ZNF343: variants seen among roughly 807,000 people sequenced by gnomAD.
ZNF343 encodes zinc finger protein 343.
A neutral mutation model predicts 13.8 loss-of-function variants in ZNF343; 11 were observed. The ratio of observed to expected loss-of-function variants is 0.80; its 90% CI spans 0.50 to 1.32. The LOEUF (loss-of-function observed/expected upper bound fraction) is 1.32, where lower values mean the gene tolerates loss of function less well. Among genes scored for constraint, ZNF343 ranks in the 40% most tolerant of loss-of-function variants. The pLI is 0.00. For synonymous variants in ZNF343, 248 were observed against 260.0 expected (o/e 0.95, Z 0.44); for missense variants, 658 against 714.2 (o/e 0.92, Z 0.90).
rs553830632 is a variant in ZNF343, at chr20:2,497,915, G to A, written c.-150+2741C>T. On this transcript the variant is annotated intron_variant, in intron 2 of 5. Transcript: ENST00000278772. ...TGGCTCCTCCATATGGCTCCTCCAC[G>A]GCCAGGAAGCAGGGCTGCTCAAATG... Among the ~76,000 whole-genome samples the A allele has an allele frequency of 7.8e-3, 1,128 of 145,502 alleles. 7 individuals are homozygous for A. Among genetic ancestry groups the A allele is most frequent in the Non-Finnish European group, 0.012 (801 of 66,140 alleles).
At chr20:2,516,390 T>A (rs1195521440) in intron 1 of ZNF343, among the ~76,000 whole-genome samples, 2 of 151,502 alleles carry the variant, frequency 1.3e-5, no homozygotes, top group Non-Finnish European at 2.9e-5. Context: ...AGGGTCAGAG[T>A]CACTGTTAAT....
rs1197180342 is a variant in ZNF343 at position 2,482,812 on chromosome 20, CTCCCCAGACAAGGGTGCTT to C, written c.*330_*348del. 1.5e-5 allele frequency: 4 copies of C among 258,702 alleles called. No individual in the cohort carries two copies. The highest frequency in any genetic ancestry group is 3.0e-5 in the Non-Finnish European group (4 of 135,148). The allele number at this position is 258,702 out of a possible 1,614,324, so 16.0% of individuals were successfully genotyped here. A position where few individuals can be genotyped will look rare whatever the true frequency, so the allele number is the denominator to read the frequency against. On this transcript the variant is annotated 3_prime_UTR_variant, in exon 6 of 6. Coordinates refer to ENST00000278772, the MANE Select transcript of ZNF343 (RefSeq NM_024325.6). Reference sequence around the variant, plus strand: ...ATTCTTTTACTGATGCTCCCCAACACTCCCCAGACAAGGGTGCTTTCCCCTGAGGCTGTCATTGGATGTC... The same window carrying C: ...ATTCTTTTACTGATGCTCCCCAACACTCCCCTGAGGCTGTCATTGGATGTC...
chr20:2,498,475 G>C (rs1289966580), intron 2 of ZNF343, among the ~76,000 whole-genome samples: 3 of 152,204 alleles, frequency 2.0e-5, no homozygotes, highest in African/African-American at 7.2e-5. Flanking sequence ...GAGTTCAATT[G>C]CCAAGTAGAA....
chr20:2,492,639 A>G, intron 5 of ZNF343, 60 bp downstream of exon 5: 1 of 1,580,634 alleles, frequency 6.3e-7, no homozygotes, highest in Non-Finnish European at 8.6e-7. Flanking sequence ...TGTGGTACAT[A>G]TTAGGTGATC....
chr20:2,486,454 A>G (rs1170294466), intron 5 of ZNF343, among the ~76,000 whole-genome samples: 4 of 152,226 alleles, frequency 2.6e-5, no homozygotes, highest in Non-Finnish European at 4.4e-5. Flanking sequence ...CATCATCAAT[A>G]TATTTACTCA....
Position 2,501,119 on chromosome 20 carries a change from G to T in ZNF343, c.-236-377C>A, listed in dbSNP as rs142930123. ...TGGGTCACTCCCACCCTAATACTGC[G>T]CTTTTCCAATGGTCTTAGCAAACGG... On this transcript the variant is annotated intron_variant, in intron 1 of 5. Coordinates refer to ENST00000278772, the MANE Select transcript of ZNF343 (RefSeq NM_024325.6). 8.3e-3 allele frequency among the ~76,000 whole-genome samples: 1,262 copies of T among 152,254 alleles called. 6 individuals are homozygous for T. The highest frequency in any genetic ancestry group is 0.015 in the African/African-American group (609 of 41,558).
chr20:2,489,550 T>C (rs2085333565), intron 5 of ZNF343, among the ~76,000 whole-genome samples: 1 of 152,204 alleles, frequency 6.6e-6, no homozygotes, highest in African/African-American at 2.4e-5. Flanking sequence ...TGTGGTCCCA[T>C]CATTGCTCTT....
At chr20:2,523,979 CAAAAAAA>C (rs56321237) in intron 1 of ZNF343, among the ~76,000 whole-genome samples, 1 of 104,324 alleles carries the variant, frequency 9.6e-6, no homozygotes, top group Non-Finnish European at 1.8e-5. Flanking sequence ...GACCCCGTCT[CAAAAAAA>C]AAAAAAAAAA....
chr20:2,495,864 T>C (rs2122634365), intron 2 of ZNF343, among the ~76,000 whole-genome samples: 1 of 152,120 alleles, frequency 6.6e-6, no homozygotes, highest in East Asian at 1.9e-4. Flanking sequence ...GAATTTTTAG[T>C]AGAGATGGGG....
At position 2,482,931 on chromosome 20, in the gene ZNF343, G is replaced by A. The variant is rs367671721; in HGVS notation, c.*230C>T. 8 of 550,010 alleles carry A rather than the reference G, an allele frequency of 1.5e-5. No homozygotes were observed. The highest frequency in any genetic ancestry group is 2.7e-5 in the South Asian group (1 of 37,122). The allele number at this position is 550,010 out of a possible 1,614,324, so 34.1% of individuals were successfully genotyped here. A position where few individuals can be genotyped will look rare whatever the true frequency, so the allele number is the denominator to read the frequency against. ...ACTTCTCTCCTAAGTGTGTCCTTTT[G>A]TGCATGCTCAAGGCTGACTGATGGC... On this transcript the variant is annotated 3_prime_UTR_variant, in exon 6 of 6. Coordinates refer to ENST00000278772, the MANE Select transcript of ZNF343 (RefSeq NM_024325.6).
intron 1 of ZNF343, among the ~76,000 whole-genome samples, chr20:2,515,558 A>G (rs139924678): frequency 6.6e-6 from 1 of 152,336 alleles, no homozygotes; most frequent in Non-Finnish European, 1.5e-5. Flanking sequence ...TAAATAGATA[A>G]CTAGTGATAA....
chr20:2,483,346 G>A lies in ZNF343; in HGVS notation c.1615C>T (p.His539Tyr). 1.2e-6 allele frequency: 2 copies of A among 1,612,092 alleles called. No individual in the cohort carries two copies. The highest frequency in any genetic ancestry group is 1.7e-6 in the Non-Finnish European group (2 of 1,179,602). Reference sequence around the variant, plus strand: ...TTCTCTCCTGAGTGTGTCCTCTCATGTACAATGAGGGTTGACTTGTCACAA... The same window carrying A: ...TTCTCTCCTGAGTGTGTCCTCTCATATACAATGAGGGTTGACTTGTCACAA... ...GFCDKSTLIV[H>Y]ERTHSGEKPY... is the part of the protein sequence containing the mutation. The change falls in exon 6 of 6, where the codon CAT (histidine) becomes TAT (tyrosine). Residue 539 changes from histidine to tyrosine, a missense_variant. By Grantham distance (83) the His-to-Tyr change is moderately conservative. Transcript: ENST00000278772.
chr20:2,503,137 A>G (rs2043455142), intron 1 of ZNF343, among the ~76,000 whole-genome samples: 1 of 152,232 alleles, frequency 6.6e-6, no homozygotes, highest in African/African-American at 2.4e-5. Flanking sequence ...GCAAATGGAA[A>G]ACAAAAAAAG....
chr20:2,493,010 G>A, intron 4 of ZNF343, 185 bp from the exon 5 acceptor site: 2 of 699,598 alleles, frequency 2.9e-6, no homozygotes, highest in South Asian at 3.7e-5. Context: ...AAACCTGTGA[G>A]GAGCATAACT....
intron 1 of ZNF343, among the ~76,000 whole-genome samples, chr20:2,516,998 G>C (rs930672746): frequency 1.3e-5 from 2 of 152,184 alleles, no homozygotes; most frequent in Non-Finnish European, 2.9e-5. Context: ...GTCAATTTAA[G>C]TCAGAATCAT....
Position 2,498,949 on chromosome 20 carries a change from CCCATCTCAGCCT to C in ZNF343, c.-150+1695_-150+1706del, listed in dbSNP as rs531546422. 7.2e-3 allele frequency among the ~76,000 whole-genome samples: 1,103 copies of C among 152,272 alleles called. 9 individuals carry two copies. Among genetic ancestry groups the C allele is most frequent in the Middle Eastern group, 0.024 (7 of 294 alleles). ...CCACTTTCCAGGCTCAAGCCATCCT[CCCATCTCAGCCT>C]CCTGAGTAGCTGGGACCACAGGTGT... is the stretch of plus-strand genomic sequence containing the variant. On this transcript the variant is annotated intron_variant, in intron 2 of 5. Transcript: ENST00000278772.
rs145024494 is a variant in ZNF343, at chr20:2,484,106, G to C, written c.855C>G (p.Ile285Met). The change falls in exon 6 of 6, where the codon ATC becomes ATG. Residue 285 changes from isoleucine to methionine, a missense_variant. Transcript: ENST00000278772. ...CCATCGAGTGTATACGATGGTGTCT[G>C]ATGAGGGTTGATCTATCTTTAAAGC... ...GRSFKDRSTLIRHHRIHSMEK... is the reference protein window; with the variant it reads ...GRSFKDRSTLMRHHRIHSMEK... 1,359 of 1,614,220 alleles carry C rather than the reference G, an allele frequency of 8.4e-4. 19 individuals carry two copies. In the African/African-American group the frequency reaches 0.016, roughly 19 times the overall value.
At chr20:2,504,533 A>T (rs1031534266) in intron 1 of ZNF343, among the ~76,000 whole-genome samples, 1 of 152,244 alleles carries the variant, frequency 6.6e-6, no homozygotes, top group Non-Finnish European at 1.5e-5. Flanking sequence ...CCTGATGAAC[A>T]TCGATGCAAA....
At position 2,483,039 on chromosome 20, in the gene ZNF343, G is replaced by A. The variant is rs2085193019; in HGVS notation, c.*122C>T. ...GCCTGATAAGGGCTGACACATCTCT[G>A]GAACTTCACTCACAATCTGTGTACA... is the stretch of plus-strand genomic sequence containing the variant. On this transcript the variant is annotated 3_prime_UTR_variant, in exon 6 of 6. Transcript: ENST00000278772. 2 of 1,215,054 alleles carry A rather than the reference G, an allele frequency of 1.6e-6. No individual in the cohort carries two copies. The highest frequency in any genetic ancestry group is 2.8e-5 in the Admixed American group (1 of 36,204). 75.3% of individuals were successfully genotyped at this position (1,215,054 alleles called of 1,614,324 possible). A position where few individuals can be genotyped will look rare whatever the true frequency, so the allele number is the denominator to read the frequency against.
Sources: gnomAD v4.1 joint callset for allele counts (sites outside exome capture counted in the v4.1 genomes callset) on GRCh38, gnomAD v4.1.1 for gene constraint, MANE v1.5 for transcripts, NCBI Gene and HGNC (gene_info 2026-07-23, HGNC 2026-07-21) for gene names.